Variants in NOL10 observed in about 807,000 individuals in gnomAD.
The protein encoded by NOL10 is nucleolar protein 10, also known as H_NH0074G24.1.
In NOL10, 58 loss-of-function variants were observed where a neutral mutation model predicts 103.5. That is an observed-to-expected ratio of 0.56 (90% CI 0.45 to 0.70). The LOEUF (loss-of-function observed/expected upper bound fraction) is 0.70. Among genes scored for constraint, NOL10 ranks in the 30% least tolerant of loss-of-function variants. NOL10 has a pLI of 0.00. For synonymous variants in NOL10, 287 were observed against 282.5 expected, an observed-to-expected ratio of 1.02 and a Z score of -0.16; for missense variants, 763 against 807.3, an observed-to-expected ratio of 0.95 and a Z score of 0.67.
intron 6 of NOL10, among the ~76,000 whole-genome samples, chr2:10,670,315 G>GA (rs905130694): frequency 5.9e-5 from 9 of 151,292 alleles, no homozygotes; most frequent in South Asian, 2.1e-4. Context: ...ATTTTCAGGG[G>GA]AAAAAAAAGG....
Position 10,689,975 on chromosome 2 carries a change from T to G in NOL10, c.-114A>C. 1.1e-6 allele frequency: 1 copy of G among 928,672 alleles called. No individual in the cohort carries two copies. Among genetic ancestry groups the G allele is most frequent in the Non-Finnish European group, 1.7e-6 (1 of 602,026 alleles). 57.5% of individuals were successfully genotyped at this position (928,672 alleles called of 1,614,324 possible). The stretch of plus-strand genomic sequence containing the variant: ...GCGGCGTGCGGCCGCTGGCGCCGAC[T>G]GATGACGCACTTCCTGGAGCCGGAA... On this transcript the variant is annotated 5_prime_UTR_variant, in exon 1 of 21. Transcript: ENST00000381685.
chr2:10,623,199 TAGTTAAAGCAAAAGTAAA>T (rs1677247454), intron 13 of NOL10, among the ~76,000 whole-genome samples: 1 of 118,896 alleles, frequency 8.4e-6, no homozygotes, highest in Admixed American at 8.3e-5. Context: ...CATGCCACTC[TAGTTAAAGCAAAAGTAAA>T]ATTTTAACAT....
chr2:10,675,693 A>G, intron 4 of NOL10, 101 bp downstream of exon 4: 2 of 653,286 alleles, frequency 3.1e-6, no homozygotes, highest in East Asian at 2.8e-5. Flanking sequence ...TTTGTTATAC[A>G]GCAATAAAAA....
At chr2:10,628,021 G>A (rs1677592202) in intron 13 of NOL10, among the ~76,000 whole-genome samples, 1 of 152,022 alleles carries the variant, frequency 6.6e-6, no homozygotes, top group South Asian at 2.1e-4. Flanking sequence ...TAGAAGCTGT[G>A]AAAGGCGAGT....
At chr2:10,674,629 G>A (rs61252051) in intron 4 of NOL10, among the ~76,000 whole-genome samples, 5,222 of 151,998 alleles carry the variant, frequency 0.034, 174 homozygotes, top group African/African-American at 0.084. Context: ...CACGAGGTCA[G>A]GAGTTCGAGA....
At chr2:10,581,599 G>A (rs1572228762) in intron 19 of NOL10, among the ~76,000 whole-genome samples, 1 of 152,212 alleles carries the variant, frequency 6.6e-6, no homozygotes, top group Non-Finnish European at 1.5e-5. Context: ...GGCTGAGGCA[G>A]GAGGATGTTG....
chr2:10,652,389 GA>G (rs893924835), intron 12 of NOL10, among the ~76,000 whole-genome samples: 6 of 148,586 alleles, frequency 4.0e-5, no homozygotes, highest in Admixed American at 6.7e-5. Context: ...TAAGAGGTAA[GA>G]AAAAAACAGA....
At chr2:10,584,131 T>A (rs1450448646) in intron 19 of NOL10, among the ~76,000 whole-genome samples, 3 of 152,170 alleles carry the variant, frequency 2.0e-5, no homozygotes, top group Non-Finnish European at 4.4e-5. Flanking sequence ...CCACCAGCCC[T>A]GAATGCTCCA....
chr2:10,603,193 T>C (rs2287063), intron 14 of NOL10, 36 bp from the exon 15 acceptor site: 222,725 of 1,472,966 alleles, frequency 0.15, 24,619 homozygotes, highest in African/African-American at 0.46. Flanking sequence ...CAGGTCCTTA[T>C]GCAATCTTCA....
rs182514009 is a variant in NOL10 at position 10,667,705 on chromosome 2, A to G, written c.531-427T>C. Among the ~76,000 whole-genome samples, 405 of 152,322 alleles carry G rather than the reference A, an allele frequency of 2.7e-3. 2 individuals are homozygous for G. Among genetic ancestry groups the G allele is most frequent in the Admixed American group, 0.011 (162 of 15,296 alleles). On this transcript the variant is annotated intron_variant, in intron 7 of 20. Coordinates refer to ENST00000381685, the MANE Select transcript of NOL10 (RefSeq NM_024894.4). ...CTCATTTTCTTTCTCTGTAAAATGGATATTTCACCTACCTCGGGGGGTTGT... is the reference window on the plus strand; with the variant it reads ...CTCATTTTCTTTCTCTGTAAAATGGGTATTTCACCTACCTCGGGGGGTTGT...
At chr2:10,646,386 T>A (rs1342597746) in intron 12 of NOL10, among the ~76,000 whole-genome samples, 1 of 152,152 alleles carries the variant, frequency 6.6e-6, no homozygotes, top group Non-Finnish European at 1.5e-5. Context: ...CGGAAAGGGC[T>A]CTAATGTAAT....
At chr2:10,673,784 G>C (rs1681106899) in intron 4 of NOL10, among the ~76,000 whole-genome samples, 1 of 152,028 alleles carries the variant, frequency 6.6e-6, no homozygotes, top group East Asian at 1.9e-4. Context: ...ATTTCTTGTA[G>C]AACTGAATGC....
intron 13 of NOL10, chr2:10,622,004 T>C (rs751591128): frequency 2.6e-5 from 12 of 463,952 alleles, no homozygotes; most frequent in African/African-American, 1.8e-4. Context: ...GTCCCTTAGA[T>C]GCAGTACTCA....
intron 17 of NOL10, among the ~76,000 whole-genome samples, chr2:10,598,295 C>T (rs1021546526): frequency 6.6e-5 from 10 of 152,172 alleles, no homozygotes; most frequent in Non-Finnish European, 1.2e-4. Flanking sequence ...GCAGACAGGA[C>T]GCGTGTGTAA....
intron 11 of NOL10, among the ~76,000 whole-genome samples, chr2:10,657,093 C>A (rs899014532): frequency 1.3e-5 from 2 of 152,052 alleles, no homozygotes; most frequent in Non-Finnish European, 2.9e-5. Flanking sequence ...TCGAGGCAGG[C>A]GGATCATTTG....
intron 6 of NOL10, 77 bp downstream of exon 6, chr2:10,671,477 A>G (rs960752116): frequency 4.0e-6 from 5 of 1,242,428 alleles, no homozygotes; most frequent in Non-Finnish European, 5.3e-6. Flanking sequence ...TAAACAGAGA[A>G]AATGTACACG....
At chr2:10,610,584 G>C (rs11693092) in intron 13 of NOL10, among the ~76,000 whole-genome samples, 1 of 152,042 alleles carries the variant, frequency 6.6e-6, no homozygotes, top group Non-Finnish European at 1.5e-5. Context: ...ATTTACACTG[G>C]TATAAAATGC....
intron 13 of NOL10, among the ~76,000 whole-genome samples, chr2:10,640,423 A>G (rs961611665): frequency 6.6e-6 from 1 of 152,234 alleles, no homozygotes; most frequent in African/African-American, 2.4e-5. Flanking sequence ...TCCAAGTTTC[A>G]GCATAATGCT....
At chr2:10,680,388 G>GAGAGGGAGA (rs1460492130) in intron 3 of NOL10, among the ~76,000 whole-genome samples, 9 of 149,204 alleles carry the variant, frequency 6.0e-5, no homozygotes, top group Non-Finnish European at 1.2e-4. Flanking sequence ...GGAGAAGAGG[G>GAGAGGGAGA]AGAGGGAGAG....
Sources: gnomAD v4.1 joint callset for allele counts (sites outside exome capture counted in the v4.1 genomes callset) on GRCh38, gnomAD v4.1.1 for gene constraint, MANE v1.5 for transcripts, NCBI Gene and HGNC (gene_info 2026-07-23, HGNC 2026-07-21) for gene names.